TMC1: variants seen among roughly 807,000 people sequenced by gnomAD.
TMC1 encodes the protein transmembrane channel like 1, also known as transmembrane channel-like protein 1.
Under a neutral mutation model 105.8 loss-of-function variants are expected in TMC1, and 84 were observed. The observed-to-expected ratio is 0.79, with a 90% CI of 0.67 to 0.95. The LOEUF is 0.95. Ranked by LOEUF, TMC1 falls within the 40% of genes least tolerant of loss-of-function variation. TMC1 has a pLI of 0.00. For synonymous variants in TMC1, 315 were observed against 311.5 expected (o/e 1.01, Z -0.12); for missense variants, 817 against 914.1 (o/e 0.89, Z 1.37).
chr9:72,775,165 C>A (rs574371345), intron 13 of TMC1, among the ~76,000 whole-genome samples: 1 of 152,200 alleles, frequency 6.6e-6, no homozygotes, highest in Non-Finnish European at 1.5e-5. Context: ...ATTTGAGAAC[C>A]TTTCAGTCCC....
intron 21 of TMC1, among the ~76,000 whole-genome samples, chr9:72,827,370 T>C (rs180979130): frequency 5.3e-5 from 8 of 152,304 alleles, no homozygotes; most frequent in Admixed American, 4.6e-4. Flanking sequence ...CAGATGGCAA[T>C]GAATATACAG....
At chr9:72,707,276 G>A (rs1429566085) in intron 8 of TMC1, among the ~76,000 whole-genome samples, 1 of 152,218 alleles carries the variant, frequency 6.6e-6, no homozygotes, top group Non-Finnish European at 1.5e-5. Flanking sequence ...TAGATACCCT[G>A]TAGTGGGATT....
At chr9:72,760,559 A>T (rs1350291266) in intron 12 of TMC1, among the ~76,000 whole-genome samples, 2 of 151,806 alleles carry the variant, frequency 1.3e-5, no homozygotes, top group African/African-American at 4.8e-5. Context: ...ATTTGGATCC[A>T]CTCTCTTGGA....
rs80204547 is a variant in TMC1, at chr9:72,666,519, G to A, written c.16+17855G>A. On this transcript the variant is annotated intron_variant, in intron 5 of 23. Transcript: ENST00000297784. The stretch of plus-strand genomic sequence containing the variant: ...GCCCCAAGACACAGGGGGAAATGTG[G>A]TAAATCTGAGACTGGAAGGAAATTA... Among the ~76,000 whole-genome samples, 1,490 of 152,250 alleles carry A rather than the reference G, an allele frequency of 9.8e-3. 29 individuals carry two copies. The highest frequency in any genetic ancestry group is 0.034 in the African/African-American group (1,419 of 41,522).
In TMC1 at chr9:72,793,927, G is replaced by T. The variant is rs115994197; in HGVS notation, c.1566+1575G>T. On this transcript the variant is annotated intron_variant, in intron 17 of 23. Coordinates refer to ENST00000297784, the MANE Select transcript of TMC1 (RefSeq NM_138691.3). ...ACAGGATCCCCAGGGGCAACTGAAA[G>T]TTCCTCTGCCACTACCTCTGCAGTA... Among the ~76,000 whole-genome samples the T allele has an allele frequency of 1.3e-3, 192 of 152,288 alleles. 2 individuals carry two copies. Among genetic ancestry groups the T allele is most frequent in the African/African-American group, 4.5e-3 (187 of 41,556 alleles).
At position 72,629,538 on chromosome 9, in the gene TMC1, G is replaced by A. The variant is rs962774643; in HGVS notation, c.-53+1475G>A. Among the ~76,000 whole-genome samples, 24 of 152,092 alleles carry A rather than the reference G, an allele frequency of 1.6e-4. 1 individual carries two copies. The highest frequency in any genetic ancestry group is 5.6e-4 in the African/African-American group (23 of 41,416). On this transcript the variant is annotated intron_variant, in intron 4 of 23. Coordinates refer to ENST00000297784, the MANE Select transcript of TMC1 (RefSeq NM_138691.3). ...CAGAATGTTAGGTGCAATGAGAGAG[G>A]TAACAAGGTACTACTGGGGCCTGAC...
chr9:72,690,970 TG>T (rs1826457163), intron 6 of TMC1, among the ~76,000 whole-genome samples: 1 of 152,138 alleles, frequency 6.6e-6, no homozygotes, highest in Non-Finnish European at 1.5e-5. Context: ...TTGGTCTGCT[TG>T]TTGATCCCTC....
intron 2 of TMC1, among the ~76,000 whole-genome samples, chr9:72,604,505 T>C (rs1378697691): frequency 6.6e-6 from 1 of 152,198 alleles, no homozygotes; most frequent in East Asian, 1.9e-4. Context: ...GCCAGAAAAG[T>C]TTCTGGGCTC....
At chr9:72,810,581 T>C (rs915098437) in intron 18 of TMC1, among the ~76,000 whole-genome samples, 2 of 152,186 alleles carry the variant, frequency 1.3e-5, no homozygotes, top group Non-Finnish European at 1.5e-5. Context: ...TTTTTATAAA[T>C]ATACACATAT....
intron 5 of TMC1, among the ~76,000 whole-genome samples, chr9:72,678,320 A>G (rs1249007545): frequency 6.6e-6 from 1 of 152,124 alleles, no homozygotes; most frequent in African/African-American, 2.4e-5. Flanking sequence ...AATCTTGGAT[A>G]TGTATCCTGA....
chr9:72,555,973 C>CAAAAAAAAAAAAAAA (rs59431883), intron 1 of TMC1, among the ~76,000 whole-genome samples: 1 of 42,578 alleles, frequency 2.3e-5, no homozygotes, highest in African/African-American at 9.5e-5. Flanking sequence ...ATGACTAAGG[C>CAAAAAAAAAAAAAAA]AAAAAAAAAA....
At chr9:72,694,366 T>C (rs1826514752) in intron 6 of TMC1, among the ~76,000 whole-genome samples, 177 bp from the exon 7 acceptor site, 1 of 152,196 alleles carries the variant, frequency 6.6e-6, no homozygotes, top group African/African-American at 2.4e-5. Flanking sequence ...TCTAGATACA[T>C]TTATTTAAAT....
At chr9:72,792,481 T>A in intron 17 of TMC1, 129 bp downstream of exon 17, 2 of 1,094,502 alleles carry the variant, frequency 1.8e-6, no homozygotes, top group Non-Finnish European at 2.8e-6. Flanking sequence ...GAATGTTGAC[T>A]GTGTGCTGGC....
chr9:72,827,348 C>T (rs979976001), intron 21 of TMC1, among the ~76,000 whole-genome samples: 4 of 152,212 alleles, frequency 2.6e-5, no homozygotes, highest in Non-Finnish European at 4.4e-5. Context: ...CTCCACCTCT[C>T]GTTCCATAAA....
At chr9:72,635,037 A>G (rs775264199) in intron 4 of TMC1, among the ~76,000 whole-genome samples, 3 of 152,130 alleles carry the variant, frequency 2.0e-5, no homozygotes, top group Non-Finnish European at 2.9e-5. Context: ...TGGGTGGATC[A>G]TCTGAGGTCA....
chr9:72,676,275 T>A (rs1826201092), intron 5 of TMC1, among the ~76,000 whole-genome samples: 1 of 152,152 alleles, frequency 6.6e-6, no homozygotes. Flanking sequence ...GACTAAATCT[T>A]ATGGGATATT....
intron 6 of TMC1, 71 bp downstream of exon 6, chr9:72,688,827 T>G: frequency 7.6e-7 from 1 of 1,317,374 alleles, no homozygotes; most frequent in Non-Finnish European, 1.1e-6. Context: ...TTTATCCTCT[T>G]GTGGACTTGA....
At chr9:72,555,706 T>A (rs890081612) in intron 1 of TMC1, among the ~76,000 whole-genome samples, 10 of 151,740 alleles carry the variant, frequency 6.6e-5, no homozygotes, top group African/African-American at 2.4e-4. Flanking sequence ...CTGCAACCTC[T>A]GCCTCCCAGA....
intron 5 of TMC1, among the ~76,000 whole-genome samples, chr9:72,672,265 T>G (rs1380123250): frequency 6.6e-6 from 1 of 151,786 alleles, no homozygotes; most frequent in Non-Finnish European, 1.5e-5. Flanking sequence ...CTTAGTACTT[T>G]TTTTATTGTC....
Sources: gnomAD v4.1 joint callset for allele counts (sites outside exome capture counted in the v4.1 genomes callset) on GRCh38, gnomAD v4.1.1 for gene constraint, MANE v1.5 for transcripts, NCBI Gene and HGNC (gene_info 2026-07-23, HGNC 2026-07-21) for gene names.